RASA2: variants seen among roughly 807,000 people sequenced by gnomAD.
The protein encoded by RASA2 is ras GTPase-activating protein 2.
In RASA2, 155 loss-of-function variants were observed where a neutral mutation model predicts 118.2. That is an observed-to-expected ratio of 1.31 (90% CI 1.15 to 1.50). RASA2 has a LOEUF of 1.50. Ranked by LOEUF, RASA2 falls within the 40% of genes most tolerant of loss-of-function variation. The pLI is 0.00. For synonymous variants in RASA2, 353 were observed against 349.1 expected, an observed-to-expected ratio of 1.01 and a Z score of -0.12; for missense variants, 1,016 against 1,009.6, an observed-to-expected ratio of 1.01 and a Z score of -0.09.
chr3:141,509,748 G>T (rs1356831469), intron 1 of RASA2, among the ~76,000 whole-genome samples: 1 of 152,226 alleles, frequency 6.6e-6, no homozygotes, highest in Non-Finnish European at 1.5e-5. Context: ...ACAGGTAAAT[G>T]GATGAGCTTT....
intron 19 of RASA2, among the ~76,000 whole-genome samples, chr3:141,590,957 A>G (rs2083277442): frequency 6.6e-6 from 1 of 152,236 alleles, no homozygotes; most frequent in Non-Finnish European, 1.5e-5. Context: ...AGTTAAATTA[A>G]CATGTAGCAA....
chr3:141,589,654 A>G (rs1483342188), intron 19 of RASA2, among the ~76,000 whole-genome samples: 1 of 152,110 alleles, frequency 6.6e-6, no homozygotes, highest in Non-Finnish European at 1.5e-5. Flanking sequence ...CATCCTGGCC[A>G]ACGCGGTGAA....
At chr3:141,534,725 C>T (rs1465614444) in intron 4 of RASA2, among the ~76,000 whole-genome samples, 1 of 151,798 alleles carries the variant, frequency 6.6e-6, no homozygotes, top group East Asian at 1.9e-4. Context: ...AATGTAAAAA[C>T]ATAATTCATT....
chr3:141,584,810 T>A (rs1313874834), intron 17 of RASA2, among the ~76,000 whole-genome samples: 1 of 152,198 alleles, frequency 6.6e-6, no homozygotes, highest in African/African-American at 2.4e-5. Context: ...ATCAAAATGG[T>A]TGAGACCAGA....
chr3:141,509,698 A>G (rs1287609109), intron 1 of RASA2, among the ~76,000 whole-genome samples: 2 of 152,250 alleles, frequency 1.3e-5, no homozygotes, highest in Non-Finnish European at 2.9e-5. Context: ...ATTGCTAGAC[A>G]GTGTCCTGGA....
At chr3:141,554,856 T>C (rs1353551834) in intron 6 of RASA2, among the ~76,000 whole-genome samples, 1 of 152,374 alleles carries the variant, frequency 6.6e-6, no homozygotes, top group East Asian at 1.9e-4. Flanking sequence ...TATTTTTGTG[T>C]GTTAAAAATG....
chr3:141,595,951 C>G (rs2083359373), intron 19 of RASA2, among the ~76,000 whole-genome samples: 2 of 152,208 alleles, frequency 1.3e-5, no homozygotes, highest in African/African-American at 4.8e-5. Context: ...CTTCTCTCAG[C>G]AATTGTTAGA....
At chr3:141,543,276 A>G (rs2082432228) in intron 5 of RASA2, among the ~76,000 whole-genome samples, 1 of 152,052 alleles carries the variant, frequency 6.6e-6, no homozygotes, top group Non-Finnish European at 1.5e-5. Flanking sequence ...ACTGATGTCA[A>G]CATTTTACCA....
intron 1 of RASA2, 49 bp downstream of exon 1, chr3:141,487,265 G>C: frequency 8.0e-7 from 1 of 1,252,916 alleles, no homozygotes; most frequent in Non-Finnish European, 1.0e-6. Context: ...CTGGGCGCGA[G>C]GCTGAGGGGG....
At chr3:141,496,029 AG>A (rs1211909059) in intron 1 of RASA2, among the ~76,000 whole-genome samples, 2 of 152,250 alleles carry the variant, frequency 1.3e-5, no homozygotes, top group Non-Finnish European at 2.9e-5. Context: ...ACATAAAAAG[AG>A]GTCTGAACAG....
chr3:141,572,745 A>G (rs949386418), intron 12 of RASA2, 22 bp downstream of exon 12: 14 of 1,504,902 alleles, frequency 9.3e-6, no homozygotes, highest in South Asian at 2.4e-5. Flanking sequence ...ATCTCCAACA[A>G]TGATAGTTTG....
At chr3:141,497,153 C>T (rs1402999785) in intron 1 of RASA2, among the ~76,000 whole-genome samples, 7 of 107,942 alleles carry the variant, frequency 6.5e-5, no homozygotes, top group South Asian at 5.9e-4. Flanking sequence ...CATCACACAC[C>T]GGGGCCTGTC....
chr3:141,487,052 C>T lies in RASA2; in HGVS notation c.-32C>T, dbSNP rs1270258940. ...GCTCCGCCTCGCCCGGCTACGCAGG[C>T]GGCAGGGCTGCGGCACGGGCCGGGC... On this transcript the variant is annotated 5_prime_UTR_variant, in exon 1 of 24. Transcript: ENST00000286364. The T allele has an allele frequency of 5.7e-6, 7 of 1,217,538 alleles. No homozygotes were observed. The highest frequency in any genetic ancestry group is 7.2e-6 in the Non-Finnish European group (7 of 973,416). 75.4% of individuals were successfully genotyped at this position (1,217,538 alleles called of 1,614,324 possible).
intron 1 of RASA2, among the ~76,000 whole-genome samples, chr3:141,508,729 G>A (rs935311375): frequency 6.6e-6 from 1 of 152,080 alleles, no homozygotes; most frequent in African/African-American, 2.4e-5. Flanking sequence ...AGGATAAGAG[G>A]GCAAGTTGCA....
At chr3:141,513,371 A>G in intron 2 of RASA2, among the ~76,000 whole-genome samples, 1 of 152,178 alleles carries the variant, frequency 6.6e-6, no homozygotes, top group Non-Finnish European at 1.5e-5. Context: ...TTCAAGGAGT[A>G]AACTTGAAAT....
chr3:141,545,084 C>A (rs1355603197), intron 5 of RASA2, among the ~76,000 whole-genome samples: 1 of 152,064 alleles, frequency 6.6e-6, no homozygotes, highest in Non-Finnish European at 1.5e-5. Context: ...TACAACAAAC[C>A]CTTGTGACAC....
At chr3:141,586,149 G>GAAGTCTTTTTTTTTTTTTTTT in intron 18 of RASA2, 51 bp downstream of exon 18, 1 of 1,488,232 alleles carries the variant, frequency 6.7e-7, no homozygotes, top group Non-Finnish European at 9.3e-7. Context: ...TAGATATTAA[G>GAAGTCTTTTTTTTTTTTTTTT]TAAGTACAAA....
intron 3 of RASA2, among the ~76,000 whole-genome samples, chr3:141,517,562 T>TGAATC: frequency 6.6e-6 from 1 of 152,246 alleles, no homozygotes; most frequent in Admixed American, 6.5e-5. Context: ...TCAGTCACCT[T>TGAATC]ATGCCAGGCC....
At position 141,615,166 on chromosome 3, in the gene RASA2, C is replaced by T. The variant is rs2083709979; in HGVS notation, c.*2853C>T. On this transcript the variant is annotated 3_prime_UTR_variant, in exon 24 of 24. Transcript: ENST00000286364. ...TGTTGCTAGTAAATATTGGTTTTTA[C>T]AGTACCCAGTTTGAAAATGTAAGTT... 6.6e-6 allele frequency: 1 copy of T among 152,074 alleles called. No homozygotes were observed. The highest frequency in any genetic ancestry group is 1.5e-5 in the Non-Finnish European group (1 of 68,036). 9.4% of individuals were successfully genotyped at this position (152,074 alleles called of 1,614,324 possible).
Sources: gnomAD v4.1 joint callset for allele counts (sites outside exome capture counted in the v4.1 genomes callset) on GRCh38, gnomAD v4.1.1 for gene constraint, MANE v1.5 for transcripts, NCBI Gene and HGNC (gene_info 2026-07-23, HGNC 2026-07-21) for gene names.